Variants in PRKAG2 observed in about 807,000 individuals in gnomAD.
PRKAG2 encodes the protein 5'-AMP-activated protein kinase subunit gamma-2.
In PRKAG2, 26 loss-of-function variants were observed where a neutral mutation model predicts 69.6. The ratio of observed to expected loss-of-function variants is 0.37; its 90% CI spans 0.27 to 0.52. The LOEUF (loss-of-function observed/expected upper bound fraction) is 0.52, where lower values mean the gene tolerates loss of function less well. Ranked by LOEUF, PRKAG2 falls within the 20% of genes least tolerant of loss-of-function variation. The pLI is 0.90. For synonymous variants in PRKAG2, 293 were observed against 285.0 expected, an observed-to-expected ratio of 1.03 and a Z score of -0.28; for missense variants, 557 against 740.0, an observed-to-expected ratio of 0.75 and a Z score of 2.87.
intron 3 of PRKAG2, among the ~76,000 whole-genome samples, chr7:151,707,704 T>G (rs1838859853): frequency 6.6e-6 from 1 of 152,164 alleles, no homozygotes; most frequent in Non-Finnish European, 1.5e-5. Context: ...TCACCACTGC[T>G]GCAGTGGCAA....
At position 151,567,251 on chromosome 7, in the gene PRKAG2, G is replaced by A. The variant is rs561094911; in HGVS notation, c.1234-1366C>T. 6.6e-6 allele frequency among the ~76,000 whole-genome samples: 1 copy of A among 152,258 alleles called. No homozygotes were observed. The highest frequency in any genetic ancestry group is 2.1e-4 in the South Asian group (1 of 4,828). ...CGTGGAGAAAAGCATGGGGAGTGAG[G>A]AACGCTTGAAAGGGATCCTGGCTCT... On this transcript the variant is annotated intron_variant, in intron 11 of 15. Coordinates refer to ENST00000287878, the MANE Select transcript of PRKAG2 (RefSeq NM_016203.4). This position sits in a 1 kb window ranked among gnomAD's most constrained non-coding sequence, Gnocchi z 4.2.
intron 4 of PRKAG2, among the ~76,000 whole-genome samples, chr7:151,662,388 C>T (rs954025): frequency 0.66 from 99,928 of 152,026 alleles, 32,905 homozygotes; most frequent in Admixed American, 0.69. Context: ...GTCATCCTTC[C>T]TTTCATGCCA....
chr7:151,674,398 A>G (rs1832568942), intron 4 of PRKAG2, among the ~76,000 whole-genome samples: 1 of 152,212 alleles, frequency 6.6e-6, no homozygotes, highest in African/African-American at 2.4e-5. Flanking sequence ...GTCATGCCCC[A>G]GTGACATGCG....
chr7:151,694,166 G>C lies in PRKAG2; in HGVS notation c.467-18529C>G, dbSNP rs554496783. ...TGGGATTACAGGCGTGAGCCACAGT[G>C]CCCAGCCACAATTTCTGTTCTTTAT... On this transcript the variant is annotated intron_variant, in intron 3 of 15. Transcript: ENST00000287878. Among the ~76,000 whole-genome samples the C allele has an allele frequency of 5.8e-4, 89 of 152,310 alleles. 1 individual carries two copies. Among genetic ancestry groups the C allele is most frequent in the South Asian group, 1.2e-3 (6 of 4,828 alleles).
At chr7:151,664,332 C>G (rs1332986534) in intron 4 of PRKAG2, among the ~76,000 whole-genome samples, 2 of 152,134 alleles carry the variant, frequency 1.3e-5, no homozygotes, top group Admixed American at 6.5e-5. Flanking sequence ...ATCCGATATT[C>G]CCATTTAACA....
intron 3 of PRKAG2, among the ~76,000 whole-genome samples, chr7:151,745,885 C>T (rs2074247966): frequency 6.6e-6 from 1 of 152,166 alleles, no homozygotes; most frequent in African/African-American, 2.4e-5. Flanking sequence ...TGCAGTCGCT[C>T]AGTGTCCAAG....
intron 1 of PRKAG2, among the ~76,000 whole-genome samples, chr7:151,813,476 G>T (rs371661493): frequency 6.9e-6 from 1 of 144,062 alleles, no homozygotes; most frequent in Non-Finnish European, 1.5e-5. Context: ...TCTGGCTTAC[G>T]GAAGGCGATT....
intron 3 of PRKAG2, among the ~76,000 whole-genome samples, chr7:151,706,534 G>A (rs902733457): frequency 2.6e-5 from 4 of 152,090 alleles, no homozygotes; most frequent in Non-Finnish European, 5.9e-5. Context: ...CTCCCACCAC[G>A]AGGCTTCTTG....
At chr7:151,866,479 T>C (rs761741195) in intron 1 of PRKAG2, among the ~76,000 whole-genome samples, 5 of 152,052 alleles carry the variant, frequency 3.3e-5, no homozygotes, top group Admixed American at 6.5e-5. Flanking sequence ...GTCTGGCATA[T>C]AACAAGTGCT....
chr7:151,729,105 C>T (rs139272332), intron 3 of PRKAG2, among the ~76,000 whole-genome samples: 115 of 133,260 alleles, frequency 8.6e-4, no homozygotes, highest in African/African-American at 3.1e-3. Flanking sequence ...GTGACAGTGA[C>T]GTAGGGAGAA....
At chr7:151,564,519 T>C (rs961489456) in intron 13 of PRKAG2, among the ~76,000 whole-genome samples, 1 of 152,196 alleles carries the variant, frequency 6.6e-6, no homozygotes, top group African/African-American at 2.4e-5. Flanking sequence ...ATTTTTACCC[T>C]CTAATGCTCT....
chr7:151,761,738 T>C (rs2075425105), intron 3 of PRKAG2, among the ~76,000 whole-genome samples: 1 of 152,206 alleles, frequency 6.6e-6, no homozygotes, highest in Non-Finnish European at 1.5e-5. Context: ...TGAGTTTCCC[T>C]GTACAAGAGG....
intron 15 of PRKAG2, 58 bp downstream of exon 15, chr7:151,560,466 G>T (rs775612663): frequency 6.1e-5 from 99 of 1,613,340 alleles, no homozygotes; most frequent in Non-Finnish European, 8.1e-5. Flanking sequence ...TGCACTTCCT[G>T]TTCTACCTCC....
intron 3 of PRKAG2, among the ~76,000 whole-genome samples, chr7:151,693,636 T>G (rs948572654): frequency 6.8e-6 from 1 of 147,690 alleles, no homozygotes; most frequent in Non-Finnish European, 1.5e-5. Flanking sequence ...TGTGGGTCCC[T>G]GCCAAGTCCT....
intron 1 of PRKAG2, among the ~76,000 whole-genome samples, chr7:151,823,751 A>C (rs1017842293): frequency 6.6e-6 from 1 of 152,128 alleles, no homozygotes; most frequent in Non-Finnish European, 1.5e-5. Context: ...TGGGGCCCAG[A>C]GTCATTCCTG....
At chr7:151,594,644 A>G (rs1486394820) in intron 6 of PRKAG2, among the ~76,000 whole-genome samples, 1 of 152,156 alleles carries the variant, frequency 6.6e-6, no homozygotes, top group Non-Finnish European at 1.5e-5. Flanking sequence ...AATAACTAAG[A>G]AAGACCATGA....
intron 6 of PRKAG2, among the ~76,000 whole-genome samples, chr7:151,580,560 G>A (rs1205225416): frequency 1.3e-5 from 2 of 152,038 alleles, no homozygotes; most frequent in Non-Finnish European, 2.9e-5. Context: ...GGTAGGAGAC[G>A]GTTTAACTTT....
chr7:151,817,033 G>A (rs1164408328), intron 1 of PRKAG2, among the ~76,000 whole-genome samples: 1 of 151,978 alleles, frequency 6.6e-6, no homozygotes, highest in African/African-American at 2.4e-5. Context: ...ACTCATTAGA[G>A]ATTAAGGAAC....
At chr7:151,791,858 A>G (rs1339230172) in intron 1 of PRKAG2, among the ~76,000 whole-genome samples, 1 of 152,268 alleles carries the variant, frequency 6.6e-6, no homozygotes, top group African/African-American at 2.4e-5. Context: ...TCCTTCTGAA[A>G]TCTCCCAACT....
Sources: gnomAD v4.1 joint callset for allele counts (sites outside exome capture counted in the v4.1 genomes callset) on GRCh38, gnomAD v4.1.1 for gene constraint, Gnocchi (gnomAD v3.1) non-coding constraint, MANE v1.5 for transcripts, NCBI Gene and HGNC (gene_info 2026-07-23, HGNC 2026-07-21) for gene names.